The following CYRIA variants were observed in gnomAD, a reference collection of about 807,000 sequenced individuals.
The protein encoded by CYRIA is CYFIP related Rac1 interactor A.
In CYRIA, 15 loss-of-function variants were observed where a neutral mutation model predicts 43.9. The ratio of observed to expected loss-of-function variants is 0.34; its 90% CI spans 0.23 to 0.53. The LOEUF (loss-of-function observed/expected upper bound fraction) is 0.53, where lower values mean the gene tolerates loss of function less well. Ranked by LOEUF, CYRIA falls within the 20% of genes least tolerant of loss-of-function variation. The pLI, the probability that CYRIA is intolerant of heterozygous loss-of-function variation, is 0.94. For missense variants in CYRIA, 236 were observed against 394.2 expected (o/e 0.60, Z 3.40); for synonymous variants, 117 against 136.0 (o/e 0.86, Z 0.97).
At chr2:16,626,534 C>A (rs755230037) in intron 1 of CYRIA, among the ~76,000 whole-genome samples, 13 of 152,142 alleles carry the variant, frequency 8.5e-5, no homozygotes, top group Admixed American at 3.3e-4. Context: ...AGCTAATGGC[C>A]TCCCAGGGAT....
At chr2:16,580,217 G>T (rs1172865131) in intron 3 of CYRIA, among the ~76,000 whole-genome samples, 1 of 152,120 alleles carries the variant, frequency 6.6e-6, no homozygotes, top group Non-Finnish European at 1.5e-5. Flanking sequence ...CAAAGGTATG[G>T]TGGTATGAGC....
At chr2:16,617,385 T>C (rs1668838624) in intron 2 of CYRIA, among the ~76,000 whole-genome samples, 2 of 152,226 alleles carry the variant, frequency 1.3e-5, no homozygotes, top group South Asian at 4.1e-4. Flanking sequence ...GCTGCCAGCT[T>C]ACAGCTCCAA....
chr2:16,585,797 A>C (rs1426066353), intron 3 of CYRIA, among the ~76,000 whole-genome samples: 4 of 152,094 alleles, frequency 2.6e-5, no homozygotes, highest in Non-Finnish European at 4.4e-5. Flanking sequence ...GCACAGAAGC[A>C]CCTCTCAACG....
chr2:16,607,819 A>G (rs561951567), intron 2 of CYRIA, among the ~76,000 whole-genome samples: 47 of 151,958 alleles, frequency 3.1e-4, no homozygotes, highest in African/African-American at 1.1e-3. Context: ...CTGGTCTTGC[A>G]CTCTTGGCCT....
intron 3 of CYRIA, among the ~76,000 whole-genome samples, chr2:16,569,172 T>C (rs1293449659): frequency 6.6e-6 from 1 of 152,156 alleles, no homozygotes; most frequent in Non-Finnish European, 1.5e-5. Context: ...ACCAGGGGGC[T>C]GGTACCACTT....
At position 16,549,942 on chromosome 2, in the gene CYRIA, G is replaced by T. The variant is rs1553337427; in HGVS notation, c.*2994C>A. ...AGGTAATATCCAAACTTTCTTTCTG[G>T]TTGTTAATACTCCACCCCTAATGTG... is the stretch of plus-strand genomic sequence containing the variant. On this transcript the variant is annotated 3_prime_UTR_variant, in exon 12 of 12. Coordinates refer to ENST00000381323, the MANE Select transcript of CYRIA (RefSeq NM_030797.4). The T allele has an allele frequency of 1.3e-5, 2 of 150,844 alleles. No individual in the cohort carries two copies. The highest frequency in any genetic ancestry group is 1.3e-4 in the Admixed American group (2 of 15,162). The allele number at this position is 150,844 out of a possible 1,614,324, so 9.3% of individuals were successfully genotyped here.
chr2:16,630,944 A>G (rs1472600934), intron 1 of CYRIA, among the ~76,000 whole-genome samples: 3 of 152,100 alleles, frequency 2.0e-5, no homozygotes, highest in African/African-American at 7.2e-5. Flanking sequence ...TAAGACAAAA[A>G]CCAACAATCT....
chr2:16,606,070 T>C (rs1668386558), intron 2 of CYRIA, among the ~76,000 whole-genome samples: 1 of 152,150 alleles, frequency 6.6e-6, no homozygotes. Flanking sequence ...CAGATGACTC[T>C]CAACCTCTGG....
intron 6 of CYRIA, 102 bp downstream of exon 6, chr2:16,561,903 C>T (rs1461987930): frequency 4.5e-6 from 5 of 1,121,680 alleles, no homozygotes; most frequent in Non-Finnish European, 6.4e-6. Flanking sequence ...TTACATCTTA[C>T]TCATTTCTCT....
chr2:16,552,986 G>T lies in CYRIA; in HGVS notation c.922C>A (p.His308Asn). ...LLNALRFTTK[H>N]LNDESTSKQI... is the part of the protein sequence containing the mutation. ...TTGGAAGTTGATTCATCGTTCAAGT[G>T]CTTTGTAGTGAACCTGGATGGAGAG... is the stretch of plus-strand genomic sequence containing the variant. Residue 308 changes from histidine (H) to asparagine (N), a missense_variant, in exon 12 of 12, where the codon CAC (histidine) becomes AAC (asparagine). His to Asn is a moderately conservative substitution (Grantham distance 68). Around this residue, in one of 3 missense-constraint regions of CYRIA, gnomAD observed 40 missense variants for 62.2 expected, o/e 0.64. Transcript: ENST00000381323. The T allele has an allele frequency of 6.2e-7, 1 of 1,606,892 alleles. No homozygotes were observed. Among genetic ancestry groups the T allele is most frequent in the Non-Finnish European group, 8.5e-7 (1 of 1,173,554 alleles).
At chr2:16,589,248 T>C (rs1667837531) in intron 2 of CYRIA, among the ~76,000 whole-genome samples, 1 of 152,138 alleles carries the variant, frequency 6.6e-6, no homozygotes, top group Non-Finnish European at 1.5e-5. Flanking sequence ...TTCAATTTTC[T>C]ATGGCTATAG....
At chr2:16,580,742 G>T (rs1667523505) in intron 3 of CYRIA, among the ~76,000 whole-genome samples, 1 of 152,106 alleles carries the variant, frequency 6.6e-6, no homozygotes, top group Non-Finnish European at 1.5e-5. Context: ...AAGACCTATT[G>T]TTTGTTATAT....
chr2:16,634,624 T>A (rs11096686), intron 1 of CYRIA, among the ~76,000 whole-genome samples: 1 of 152,052 alleles, frequency 6.6e-6, no homozygotes, highest in African/African-American at 2.4e-5. Context: ...TCTTACCAGG[T>A]GACTGCTTTC....
chr2:16,653,249 G>C (rs542904962), intron 1 of CYRIA, among the ~76,000 whole-genome samples: 63 of 152,280 alleles, frequency 4.1e-4, no homozygotes, highest in Non-Finnish European at 7.9e-4. Flanking sequence ...GCCTGCAACC[G>C]GTCACTTGTC....
chr2:16,643,438 G>C (rs1572199568), intron 1 of CYRIA, among the ~76,000 whole-genome samples: 1 of 152,312 alleles, frequency 6.6e-6, no homozygotes, highest in South Asian at 2.1e-4. Flanking sequence ...GATGCCACTA[G>C]AGAAGCACTG....
intron 1 of CYRIA, among the ~76,000 whole-genome samples, chr2:16,634,163 C>A (rs560078247): frequency 1.6e-3 from 249 of 152,308 alleles, no homozygotes; most frequent in African/African-American, 5.7e-3. Context: ...ACCAAGTGGG[C>A]AGCAGGCATC....
intron 2 of CYRIA, among the ~76,000 whole-genome samples, chr2:16,613,279 G>A (rs948651458): frequency 3.3e-5 from 5 of 152,170 alleles, no homozygotes. Flanking sequence ...GAGAGCCAGC[G>A]GGTAGTGCTG....
At chr2:16,643,649 C>T (rs1669739645) in intron 1 of CYRIA, among the ~76,000 whole-genome samples, 1 of 152,204 alleles carries the variant, frequency 6.6e-6, no homozygotes, top group South Asian at 2.1e-4. Context: ...GATCATATCC[C>T]CAGTTCTATC....
At chr2:16,569,216 G>A (rs1367271704) in intron 3 of CYRIA, among the ~76,000 whole-genome samples, 1 of 152,182 alleles carries the variant, frequency 6.6e-6, no homozygotes, top group Non-Finnish European at 1.5e-5. Context: ...AGGGGCTGTG[G>A]TAAACAAATA....
Sources: allele counts gnomAD v4.1 joint callset (sites outside exome capture counted in the v4.1 genomes callset), GRCh38; gene constraint gnomAD v4.1.1; regional missense constraint gnomAD v4.1.1; transcripts MANE v1.5; gene names NCBI Gene and HGNC (gene_info 2026-07-23, HGNC 2026-07-21).